FBXW7: variants seen among roughly 807,000 people sequenced by gnomAD.
FBXW7 encodes F-box/WD repeat-containing protein 7.
In FBXW7, 11 loss-of-function variants were observed where a neutral mutation model predicts 86.3. The ratio of observed to expected loss-of-function variants is 0.13; its 90% CI spans 0.08 to 0.21. The LOEUF is 0.21. Ranked by LOEUF, FBXW7 falls within the 10% of genes least tolerant of loss-of-function variation. The pLI is 1.00. For missense variants in FBXW7, 488 were observed against 847.4 expected, an observed-to-expected ratio of 0.58 and a Z score of 5.27; for synonymous variants, 313 against 297.9, an observed-to-expected ratio of 1.05 and a Z score of -0.52.
rs559387861 is a variant in FBXW7, at chr4:152,421,908, T to C, written c.-119-9379A>G. Among the ~76,000 whole-genome samples, 9 of 152,182 alleles carry C rather than the reference T, an allele frequency of 5.9e-5. No homozygotes were observed. The South Asian group carries it at 1.0e-3, about 18-fold the overall frequency. Reference sequence around the variant, plus strand: ...TCATGGCATCCCCAAACAATTATGATAGTAACATAAAAGAGATCGCTGATC... The same window carrying C: ...TCATGGCATCCCCAAACAATTATGACAGTAACATAAAAGAGATCGCTGATC... On this transcript the variant is annotated intron_variant, in intron 2 of 13. Transcript: ENST00000281708.
chr4:152,346,359 T>C (rs1372148599), intron 6 of FBXW7, among the ~76,000 whole-genome samples: 1 of 152,088 alleles, frequency 6.6e-6, no homozygotes, highest in Non-Finnish European at 1.5e-5. Context: ...TTTAGAAAAC[T>C]AGACAACCCA....
intron 2 of FBXW7, among the ~76,000 whole-genome samples, chr4:152,495,128 G>C (rs889539670): frequency 1.3e-5 from 2 of 152,108 alleles, no homozygotes; most frequent in African/African-American, 2.4e-5. Flanking sequence ...ATGCAGAAAG[G>C]ATATATCAAA....
At chr4:152,434,941 A>G (rs1469269058) in intron 2 of FBXW7, among the ~76,000 whole-genome samples, 2 of 128,516 alleles carry the variant, frequency 1.6e-5, no homozygotes, top group Non-Finnish European at 3.1e-5. Context: ...TGTTCCCCCA[A>G]CCTCCTTTCC....
At chr4:152,504,471 G>A (rs1258115193) in intron 2 of FBXW7, among the ~76,000 whole-genome samples, 2 of 152,074 alleles carry the variant, frequency 1.3e-5, no homozygotes, top group Admixed American at 6.5e-5. Flanking sequence ...CAGTAATACG[G>A]AGTTGACACA....
chr4:152,423,779 T>TTAG (rs902362029), intron 2 of FBXW7, among the ~76,000 whole-genome samples: 15 of 152,144 alleles, frequency 9.9e-5, no homozygotes, highest in African/African-American at 3.1e-4. Context: ...AAGGAAAAAC[T>TTAG]AATCTATGGT....
chr4:152,514,467 G>C (rs1353674467), intron 2 of FBXW7, among the ~76,000 whole-genome samples: 1 of 152,140 alleles, frequency 6.6e-6, no homozygotes, highest in Non-Finnish European at 1.5e-5. Flanking sequence ...ATGTTCTCTA[G>C]GGGATGATAT....
intron 2 of FBXW7, among the ~76,000 whole-genome samples, chr4:152,519,457 T>TCTACCCAA (rs200956610): frequency 0.031 from 4,655 of 152,312 alleles, 119 homozygotes; most frequent in African/African-American, 0.061. Context: ...AGGCTCATCC[T>TCTACCCAA]GAAATAATCT....
intron 2 of FBXW7, among the ~76,000 whole-genome samples, chr4:152,477,606 T>C (rs1052876025): frequency 6.6e-6 from 1 of 152,182 alleles, no homozygotes; most frequent in African/African-American, 2.4e-5. Flanking sequence ...ATTTTTCATA[T>C]ATCATCCCAG....
At chr4:152,350,739 T>G (rs1239709633) in intron 4 of FBXW7, among the ~76,000 whole-genome samples, 3 of 151,792 alleles carry the variant, frequency 2.0e-5, no homozygotes, top group African/African-American at 7.2e-5. Flanking sequence ...ATAATAACGC[T>G]GAGGGGAAAG....
At chr4:152,415,467 A>G (rs904921603) in intron 2 of FBXW7, among the ~76,000 whole-genome samples, 1 of 152,158 alleles carries the variant, frequency 6.6e-6, no homozygotes, top group Admixed American at 6.6e-5. Context: ...TTCTGCAAGA[A>G]GTTTAGGATT....
intron 2 of FBXW7, among the ~76,000 whole-genome samples, chr4:152,484,250 T>C (rs1382683350): frequency 6.6e-6 from 1 of 152,174 alleles, no homozygotes; most frequent in Non-Finnish European, 1.5e-5. Context: ...AACAACTATG[T>C]ATAGAGGATT....
At chr4:152,348,106 T>C (rs1160249101) in intron 5 of FBXW7, among the ~76,000 whole-genome samples, 1 of 152,072 alleles carries the variant, frequency 6.6e-6, no homozygotes, top group African/African-American at 2.4e-5. Flanking sequence ...TAGTTAACAA[T>C]CAAACTCTGA....
At chr4:152,353,116 A>C in intron 4 of FBXW7, 1 of 562,848 alleles carries the variant, frequency 1.8e-6, no homozygotes, top group Non-Finnish European at 2.4e-6. Context: ...TTCCACAAAT[A>C]AGTCTTTTCA....
intron 4 of FBXW7, among the ~76,000 whole-genome samples, chr4:152,360,343 G>T (rs1455687948): frequency 6.6e-6 from 1 of 152,104 alleles, no homozygotes; most frequent in Non-Finnish European, 1.5e-5. Flanking sequence ...CAAGCAAGTT[G>T]TACTCCTGAA....
chr4:152,376,851 G>A (rs1734573468), intron 4 of FBXW7, among the ~76,000 whole-genome samples: 1 of 151,730 alleles, frequency 6.6e-6, no homozygotes, highest in African/African-American at 2.4e-5. Context: ...AAAAGACACA[G>A]GACAAACATG....
At chr4:152,424,971 G>T (rs1739252686) in intron 2 of FBXW7, among the ~76,000 whole-genome samples, 1 of 152,198 alleles carries the variant, frequency 6.6e-6, no homozygotes, top group African/African-American at 2.4e-5. Context: ...TAGGAGTCTT[G>T]TTAAAATGCA....
At chr4:152,511,224 A>G (rs932049676) in intron 2 of FBXW7, among the ~76,000 whole-genome samples, 2 of 152,168 alleles carry the variant, frequency 1.3e-5, no homozygotes, top group East Asian at 3.9e-4. Context: ...CAGTATGAAT[A>G]TAACAGGAAG....
intron 2 of FBXW7, among the ~76,000 whole-genome samples, chr4:152,453,683 G>C (rs963964845): frequency 1.3e-5 from 2 of 152,088 alleles, no homozygotes; most frequent in African/African-American, 4.8e-5. Context: ...AATGTAAATC[G>C]AATTTTTAAA....
chr4:152,486,462 T>TA (rs1168236908), intron 2 of FBXW7, among the ~76,000 whole-genome samples: 25 of 152,180 alleles, frequency 1.6e-4, no homozygotes, highest in African/African-American at 5.3e-4. Flanking sequence ...TTTTCTATTT[T>TA]AAAAAATTCC....
Sources: allele counts gnomAD v4.1 joint callset (sites outside exome capture counted in the v4.1 genomes callset), GRCh38; gene constraint gnomAD v4.1.1; transcripts MANE v1.5; gene names NCBI Gene and HGNC (gene_info 2026-07-23, HGNC 2026-07-21).